The following C1QTNF3 variants were observed in gnomAD, a reference collection of about 807,000 sequenced individuals.
The protein encoded by C1QTNF3 is complement C1q tumor necrosis factor-related protein 3.
C1QTNF3 carries 26 observed loss-of-function variants against 32.6 expected under a neutral mutation model. That is an observed-to-expected ratio of 0.80 (90% CI 0.58 to 1.11). C1QTNF3 has a LOEUF of 1.11. Ranked by LOEUF, C1QTNF3 falls within the 50% of genes least tolerant of loss-of-function variation. The pLI is 0.00. For missense variants in C1QTNF3, 362 were observed against 398.2 expected (o/e 0.91, Z 0.77); for synonymous variants, 155 against 146.0 (o/e 1.06, Z -0.44).
chr5:34,069,660 C>T, the C1QTNF3 span, among the ~76,000 whole-genome samples: 944 of 152,096 alleles, frequency 6.2e-3, 5 homozygotes, highest in Middle Eastern at 0.017. Flanking sequence ...ACGATGAGAA[C>T]GAAAGCAAAA....
the C1QTNF3 span, among the ~76,000 whole-genome samples, chr5:34,215,781 T>C: frequency 4.8e-4 from 73 of 152,220 alleles, no homozygotes; most frequent in African/African-American, 1.8e-3. Context: ...CACAGGAACA[T>C]GCCACCACAT....
chr5:34,174,820 AG>A, the C1QTNF3 span, among the ~76,000 whole-genome samples: 3 of 152,116 alleles, frequency 2.0e-5, no homozygotes, highest in African/African-American at 7.2e-5. Flanking sequence ...GCTCACTGCA[AG>A]CTCCAACTCC....
chr5:34,049,953 C>T, the C1QTNF3 span, among the ~76,000 whole-genome samples: 2 of 152,298 alleles, frequency 1.3e-5, no homozygotes, highest in African/African-American at 4.8e-5. Flanking sequence ...AACATCTAGA[C>T]TGGTGTTAGA....
chr5:34,112,210 GGACA>G, the C1QTNF3 span, among the ~76,000 whole-genome samples: 138 of 152,202 alleles, frequency 9.1e-4, no homozygotes, highest in African/African-American at 3.2e-3. Context: ...TATAGGCCAT[GGACA>G]GACAGAGATT....
the C1QTNF3 span, among the ~76,000 whole-genome samples, chr5:34,222,338 TG>T: frequency 6.6e-6 from 1 of 151,994 alleles, no homozygotes; most frequent in Admixed American, 6.6e-5. Context: ...TGTATTTGGT[TG>T]AATTTTTAGA....
chr5:34,045,591 T>C (rs1226781337), upstream of C1QTNF3, among the ~76,000 whole-genome samples: 1 of 152,182 alleles, frequency 6.6e-6, no homozygotes, highest in South Asian at 2.1e-4. Flanking sequence ...GATGAGGTGA[T>C]AGAAGCTTGC....
intron 3 of C1QTNF3, among the ~76,000 whole-genome samples, chr5:34,030,487 G>A (rs1042012136): frequency 6.6e-6 from 1 of 152,190 alleles, no homozygotes; most frequent in Admixed American, 6.5e-5. Context: ...CCCCTAAGTG[G>A]AGAATGGGGT....
At chr5:34,073,289 T>A in the C1QTNF3 span, among the ~76,000 whole-genome samples, 2 of 149,784 alleles carry the variant, frequency 1.3e-5, no homozygotes, top group African/African-American at 4.9e-5. Context: ...ATCGCGCCAC[T>A]GCACTCAAGC....
chr5:34,165,576 T>C, the C1QTNF3 span: 5 of 152,062 alleles, frequency 3.3e-5, no homozygotes, highest in African/African-American at 1.2e-4. Context: ...TCTTCTAAAA[T>C]GAGATGCCAT....
the C1QTNF3 span, among the ~76,000 whole-genome samples, chr5:34,197,403 A>C: frequency 6.6e-6 from 1 of 152,214 alleles, no homozygotes; most frequent in Non-Finnish European, 1.5e-5. Flanking sequence ...TCTCTTATAA[A>C]AGAAATCCCA....
At chr5:34,214,795 T>C in the C1QTNF3 span, among the ~76,000 whole-genome samples, 2 of 152,194 alleles carry the variant, frequency 1.3e-5, no homozygotes, top group Non-Finnish European at 2.9e-5. Context: ...AAATGCATTA[T>C]AACTTAAAGA....
the C1QTNF3 span, among the ~76,000 whole-genome samples, chr5:34,134,194 T>C: frequency 1.3e-5 from 2 of 152,212 alleles, no homozygotes; most frequent in Non-Finnish European, 2.9e-5. Flanking sequence ...TAGAGAGTTA[T>C]TACAATTAAT....
the C1QTNF3 span, among the ~76,000 whole-genome samples, chr5:34,084,353 C>T: frequency 2.6e-5 from 4 of 151,710 alleles, no homozygotes; most frequent in Non-Finnish European, 4.4e-5. Flanking sequence ...TTGAGACATT[C>T]GCTGAGAGTA....
the C1QTNF3 span, among the ~76,000 whole-genome samples, chr5:34,213,434 A>AT: frequency 6.6e-6 from 1 of 151,978 alleles, no homozygotes; most frequent in Non-Finnish European, 1.5e-5. Context: ...TAATAAATTA[A>AT]TGATTAAATG....
At chr5:34,157,091 A>G in the C1QTNF3 span, among the ~76,000 whole-genome samples, 2 of 152,190 alleles carry the variant, frequency 1.3e-5, no homozygotes, top group Non-Finnish European at 2.9e-5. Context: ...ATTTTGATTT[A>G]TAACAGATAA....
chr5:34,087,352 T>C, the C1QTNF3 span, among the ~76,000 whole-genome samples: 4 of 152,080 alleles, frequency 2.6e-5, no homozygotes, highest in African/African-American at 7.2e-5. Flanking sequence ...AAAAAGTTCA[T>C]GGACAAAGTT....
chr5:34,126,825 C>T, the C1QTNF3 span, among the ~76,000 whole-genome samples: 3 of 152,158 alleles, frequency 2.0e-5, no homozygotes, highest in Non-Finnish European at 4.4e-5. Flanking sequence ...TATGCTTTGG[C>T]CCTGTGTCCC....
the C1QTNF3 span, among the ~76,000 whole-genome samples, chr5:34,119,441 G>A: frequency 6.6e-6 from 1 of 152,072 alleles, no homozygotes; most frequent in Admixed American, 6.5e-5. Flanking sequence ...ACAAGCAACC[G>A]TCTCTCTATT....
At chr5:34,171,141 C>T in the C1QTNF3 span, among the ~76,000 whole-genome samples, 2 of 151,838 alleles carry the variant, frequency 1.3e-5, no homozygotes, top group Admixed American at 6.6e-5. Context: ...CAAAAGCTAC[C>T]TATAAAGTCA....
Sources: allele counts gnomAD v4.1 joint callset (sites outside exome capture counted in the v4.1 genomes callset), GRCh38; gene constraint gnomAD v4.1.1; transcripts MANE v1.5; gene names NCBI Gene and HGNC (gene_info 2026-07-23, HGNC 2026-07-21).